UBE2K: variants seen among roughly 807,000 people sequenced by gnomAD.
UBE2K encodes the protein ubiquitin-conjugating enzyme E2 K.
UBE2K carries 6 observed loss-of-function variants against 30.0 expected under a neutral mutation model. The ratio of observed to expected loss-of-function variants is 0.20; its 90% CI spans 0.11 to 0.39. The LOEUF (loss-of-function observed/expected upper bound fraction) is 0.39. UBE2K is among the 10% of genes least tolerant of loss of function. UBE2K has a pLI of 1.00. For missense variants in UBE2K, 61 were observed against 241.6 expected, an observed-to-expected ratio of 0.25 and a Z score of 4.96; for synonymous variants, 86 against 83.7, an observed-to-expected ratio of 1.03 and a Z score of -0.15.
intron 1 of UBE2K, among the ~76,000 whole-genome samples, chr4:39,702,121 C>G (rs925752892): frequency 1.3e-5 from 2 of 151,936 alleles, no homozygotes; most frequent in Non-Finnish European, 2.9e-5. Flanking sequence ...TGAAATAAAA[C>G]ACCCTTAAAT....
At chr4:39,743,008 TGCACTCCAGCCTGG>T (rs886743191) in intron 2 of UBE2K, among the ~76,000 whole-genome samples, 9 of 150,996 alleles carry the variant, frequency 6.0e-5, no homozygotes, top group African/African-American at 2.2e-4. Context: ...ATTGTGCCTC[TGCACTCCAGCCTGG>T]GCAACAGAAC....
intron 2 of UBE2K, among the ~76,000 whole-genome samples, chr4:39,740,727 ATGG>A (rs1720652345): frequency 7.7e-6 from 1 of 130,402 alleles, no homozygotes; most frequent in Admixed American, 7.9e-5. Flanking sequence ...GCCAGGCGTG[ATGG>A]TGGGCGCCTG....
chr4:39,706,043 G>T (rs959983754), intron 1 of UBE2K, among the ~76,000 whole-genome samples: 3 of 151,992 alleles, frequency 2.0e-5, no homozygotes, highest in African/African-American at 7.2e-5. Context: ...ACGGAGTCTC[G>T]CTCTGTCACC....
At chr4:39,736,820 G>C (rs1720406541) in intron 1 of UBE2K, among the ~76,000 whole-genome samples, 1 of 152,162 alleles carries the variant, frequency 6.6e-6, no homozygotes, top group South Asian at 2.1e-4. Context: ...ATTGAAGAAG[G>C]CCTTTTCTTT....
At chr4:39,704,837 T>C (rs1013101274) in intron 1 of UBE2K, among the ~76,000 whole-genome samples, 3 of 150,802 alleles carry the variant, frequency 2.0e-5, no homozygotes, top group Non-Finnish European at 4.4e-5. Flanking sequence ...CCACCATGCT[T>C]GGCCTGTCAC....
At chr4:39,705,194 G>GT (rs57314034) in intron 1 of UBE2K, among the ~76,000 whole-genome samples, 14,279 of 107,488 alleles carry the variant, frequency 0.13, 1,184 homozygotes, top group East Asian at 0.21. Flanking sequence ...CTGCACCTGG[G>GT]TTTTTTTTTT....
intron 1 of UBE2K, among the ~76,000 whole-genome samples, chr4:39,721,950 G>A (rs1719444692): frequency 6.6e-6 from 1 of 152,076 alleles, no homozygotes; most frequent in African/African-American, 2.4e-5. Flanking sequence ...ATAGTTGGGT[G>A]TGGTGGCATG....
chr4:39,757,644 T>C (rs1318832696), intron 4 of UBE2K, among the ~76,000 whole-genome samples: 1 of 152,204 alleles, frequency 6.6e-6, no homozygotes, highest in Non-Finnish European at 1.5e-5. Flanking sequence ...CTGTTACTCT[T>C]TTGATTTGTG....
intron 4 of UBE2K, chr4:39,770,546 C>G (rs905946638): frequency 2.3e-4 from 368 of 1,595,698 alleles, no homozygotes; most frequent in Non-Finnish European, 3.0e-4. Context: ...CCATGGCCGC[C>G]GCTGCTGCTT....
At chr4:39,706,703 G>A (rs1313379651) in intron 1 of UBE2K, among the ~76,000 whole-genome samples, 2 of 151,646 alleles carry the variant, frequency 1.3e-5, no homozygotes, top group African/African-American at 4.8e-5. Flanking sequence ...AAAGTGATAA[G>A]ATTACAAGTG....
At chr4:39,730,179 C>T (rs1719990533) in intron 1 of UBE2K, among the ~76,000 whole-genome samples, 2 of 152,096 alleles carry the variant, frequency 1.3e-5, no homozygotes, top group Admixed American at 6.6e-5. Flanking sequence ...TGACAGAAGT[C>T]CAGAACTTAA....
At position 39,705,033 on chromosome 4, in the gene UBE2K, G is replaced by A. The variant is rs115700426; in HGVS notation, c.63+6643G>A. 5.9e-3 allele frequency among the ~76,000 whole-genome samples: 893 copies of A among 151,212 alleles called. 8 individuals are homozygous for A. The highest frequency in any genetic ancestry group is 0.021 in the African/African-American group (848 of 41,196). On this transcript the variant is annotated intron_variant, in intron 1 of 6. Coordinates refer to ENST00000261427, the MANE Select transcript of UBE2K (RefSeq NM_005339.5). ...TTACAGGCATGTGCCAGCATGCATG[G>A]CTAATGTTTTTTTTTGTTTTTTTTT...
chr4:39,741,446 C>T (rs1258339203), intron 2 of UBE2K, among the ~76,000 whole-genome samples: 1 of 152,136 alleles, frequency 6.6e-6, no homozygotes, highest in Admixed American at 6.6e-5. Context: ...AGGACATAAA[C>T]TTTAATGCTT....
chr4:39,757,581 A>T (rs548567152), intron 4 of UBE2K, among the ~76,000 whole-genome samples: 12 of 152,206 alleles, frequency 7.9e-5, no homozygotes, highest in African/African-American at 2.9e-4. Context: ...TTCCATATAG[A>T]TCAAGACTTT....
chr4:39,702,234 T>C (rs1181289578), intron 1 of UBE2K, among the ~76,000 whole-genome samples: 4 of 3,408 alleles, frequency 1.2e-3, no homozygotes, highest in African/African-American at 7.2e-3. Flanking sequence ...TTCTTTTCTT[T>C]TTTTTTTTTT....
intron 5 of UBE2K, among the ~76,000 whole-genome samples, chr4:39,775,922 T>A (rs78010657): frequency 6.6e-6 from 1 of 152,170 alleles, no homozygotes; most frequent in East Asian, 1.9e-4. Flanking sequence ...TTCTTACTCG[T>A]CTTTCTTAAA....
chr4:39,733,224 C>T (rs1231225036), intron 1 of UBE2K, among the ~76,000 whole-genome samples: 1 of 151,802 alleles, frequency 6.6e-6, no homozygotes. Context: ...TTGTTGCAGT[C>T]ATTGAAGTGA....
chr4:39,770,263 A>G, intron 4 of UBE2K: 1 of 1,611,326 alleles, frequency 6.2e-7, no homozygotes, highest in Non-Finnish European at 8.5e-7. Flanking sequence ...TGCAGGGTGG[A>G]CTTCTGTGTG....
rs559285853 is a variant in UBE2K at position 39,706,200 on chromosome 4, T to C, written c.63+7810T>C. Among the ~76,000 whole-genome samples the C allele has an allele frequency of 2.0e-5, 3 of 152,046 alleles. No individual in the cohort carries two copies. The South Asian group carries it at 6.2e-4, about 32-fold the overall frequency. ...CTAATTTTTTGTATTTTTTTTTTAG[T>C]AGAGACGGGGTTTCACCGTGTTAGT... On this transcript the variant is annotated intron_variant, in intron 1 of 6. Transcript: ENST00000261427.
Sources: allele counts gnomAD v4.1 joint callset (sites outside exome capture counted in the v4.1 genomes callset), GRCh38; gene constraint gnomAD v4.1.1; transcripts MANE v1.5; gene names NCBI Gene and HGNC (gene_info 2026-07-23, HGNC 2026-07-21).